The following SRSF7 variants were observed in gnomAD, a reference collection of about 807,000 sequenced individuals.
SRSF7 encodes the protein serine and arginine rich splicing factor 7.
A neutral mutation model predicts 42.2 loss-of-function variants in SRSF7; 15 were observed. The observed-to-expected ratio is 0.36, with a 90% CI of 0.24 to 0.55. The LOEUF (loss-of-function observed/expected upper bound fraction) is 0.55, where lower values mean the gene tolerates loss of function less well. SRSF7 is among the 20% of genes least tolerant of loss of function. The pLI is 0.88. For missense variants in SRSF7, 181 were observed against 305.9 expected (o/e 0.59, Z 3.04); for synonymous variants, 138 against 107.9 (o/e 1.28, Z -1.73).
In SRSF7 at chr2:38,743,756, A is replaced by C; in HGVS notation, c.*1377T>G. The stretch of plus-strand genomic sequence containing the variant: ...TTCAGCCAGTCAAAATTCCAAAAAC[A>C]ATCCAAATAACTTCCAACATACTAG... On this transcript the variant is annotated 3_prime_UTR_variant, in exon 8 of 8. Coordinates refer to ENST00000313117, the MANE Select transcript of SRSF7 (RefSeq NM_001031684.3). 2.0e-5 allele frequency: 3 copies of C among 152,666 alleles called. No individual in the cohort carries two copies. Among genetic ancestry groups the C allele is most frequent in the Admixed American group, 6.5e-5 (1 of 15,286 alleles). The allele number at this position is 152,666 out of a possible 1,614,324, so 9.5% of individuals were successfully genotyped here.
chr2:38,748,799 T>C, intron 3 of SRSF7, 146 bp from the exon 4 acceptor site: 2 of 1,190,480 alleles, frequency 1.7e-6, no homozygotes, highest in Non-Finnish European at 2.3e-6. Flanking sequence ...AGTTGTTGAG[T>C]ATTTTTTTTT....
chr2:38,751,301 G>C lies in SRSF7; in HGVS notation c.-45C>G. 2 of 1,613,764 alleles carry C rather than the reference G, an allele frequency of 1.2e-6. No individual in the cohort carries two copies. The highest frequency in any genetic ancestry group is 1.7e-6 in the Non-Finnish European group (2 of 1,179,860). On this transcript the variant is annotated 5_prime_UTR_variant, in exon 1 of 8. Transcript: ENST00000313117. ...CGGCTCTTTAGCAAGCAGCGCCCAG[G>C]GCTCGAGTGACGCAAAAGCTGACAC...
intron 4 of SRSF7, 119 bp from the exon 5 acceptor site, chr2:38,748,276 G>T: frequency 1.3e-6 from 1 of 769,716 alleles, no homozygotes; most frequent in Non-Finnish European, 2.1e-6. Flanking sequence ...CGGGAGGATC[G>T]TTTGAGCCCA....
Position 38,748,133 on chromosome 2 carries a change from T to C in SRSF7, c.486A>G (p.Arg162=). 7 of 1,613,878 alleles carry C rather than the reference T, an allele frequency of 4.3e-6. No individual in the cohort carries two copies. The highest frequency in any genetic ancestry group is 5.9e-6 in the Non-Finnish European group (7 of 1,179,856). ...ATCTACGAAGAGAGATAGATCTTGA[T>C]CGTCGAGGAGATGCTGACCTTGACC... ...GRRSRSASPR[R]SRSISLRRSR... Residue 162 remains arginine, a synonymous_variant, in exon 5 of 8, where the codon CGA becomes CGG. Transcript: ENST00000313117.
chr2:38,751,179 G>A (rs1426480404), intron 1 of SRSF7, 50 bp downstream of exon 1: 5 of 1,612,052 alleles, frequency 3.1e-6, no homozygotes, highest in African/African-American at 1.3e-5. Context: ...CGGCCTCGCA[G>A]TGCTCACTAC....
At chr2:38,746,891 C>G (rs375769286) in intron 5 of SRSF7, 144 bp from the exon 6 acceptor site, 2 of 1,365,916 alleles carry the variant, frequency 1.5e-6, no homozygotes, top group Non-Finnish European at 9.9e-7. Flanking sequence ...GTCTAACACA[C>G]TGTCAAACAA....
At chr2:38,748,442 G>T in intron 4 of SRSF7, 137 bp downstream of exon 4, 1 of 849,236 alleles carries the variant, frequency 1.2e-6, no homozygotes, top group Non-Finnish European at 1.9e-6. Context: ...GCAGTGAGTC[G>T]TGGTTATGCC....
chr2:38,746,253 A>C, intron 6 of SRSF7, 74 bp from the exon 7 acceptor site: 2 of 1,512,374 alleles, frequency 1.3e-6, no homozygotes, highest in Non-Finnish European at 1.8e-6. Context: ...CAATACCGTA[A>C]AACCCCCAAA....
chr2:38,751,439 AC>A, upstream of SRSF7: 1 of 767,826 alleles, frequency 1.3e-6, no homozygotes, highest in Non-Finnish European at 2.1e-6. Context: ...TCTGCGCGGC[AC>A]AAAGGAGCTG....
intron 3 of SRSF7, 142 bp downstream of exon 3, chr2:38,749,387 T>C: frequency 6.5e-7 from 1 of 1,542,284 alleles, no homozygotes; most frequent in Non-Finnish European, 8.7e-7. Context: ...TATAGTAACA[T>C]TTTTTTAATT....
At position 38,751,334 on chromosome 2, in the gene SRSF7, C is replaced by T; in HGVS notation, c.-78G>A. The T allele has an allele frequency of 1.9e-6, 3 of 1,599,454 alleles. No homozygotes were observed. The highest frequency in any genetic ancestry group is 2.2e-5 in the East Asian group (1 of 44,540). On this transcript the variant is annotated 5_prime_UTR_variant, in exon 1 of 8. Transcript: ENST00000313117. ...TGACGCAAAAGCTGACACACACCTTCACCCGCCAAGAGTCCCGGCGGCACT... is the reference window on the plus strand; with the variant it reads ...TGACGCAAAAGCTGACACACACCTTTACCCGCCAAGAGTCCCGGCGGCACT...
intron 4 of SRSF7, 143 bp downstream of exon 4, chr2:38,748,436 T>G (rs1018770946): frequency 2.5e-6 from 2 of 809,772 alleles, no homozygotes; most frequent in Middle Eastern, 2.8e-4. Context: ...AAGGCAGCAG[T>G]GAGTCGTGGT....
upstream of SRSF7, chr2:38,751,428 T>C: frequency 1.2e-6 from 1 of 843,944 alleles, no homozygotes; most frequent in Admixed American, 2.2e-5. Context: ...CATCTCGTTG[T>C]TCTGCGCGGC....
chr2:38,748,453 C>G, intron 4 of SRSF7, 126 bp downstream of exon 4: 1 of 943,008 alleles, frequency 1.1e-6, no homozygotes, highest in South Asian at 1.3e-5. Flanking sequence ...TGGTTATGCC[C>G]CTGTACTCCA....
chr2:38,746,822 T>C, intron 5 of SRSF7, 75 bp from the exon 6 acceptor site: 1 of 1,590,212 alleles, frequency 6.3e-7, no homozygotes, highest in Non-Finnish European at 8.5e-7. Context: ...AACACTGTAT[T>C]AGGTTGGTCA....
rs540073552 is a variant in SRSF7, at chr2:38,745,498, A to T, written c.663-311T>A. On this transcript the variant is annotated intron_variant, in intron 7 of 7. Coordinates refer to ENST00000313117, the MANE Select transcript of SRSF7 (RefSeq NM_001031684.3). ...GTGAAACTCCGTCTCTACTAGAAAT[A>T]CAAAAAATTAGCCAGGCTTGGCGGT... is the stretch of plus-strand genomic sequence containing the variant. Among the ~76,000 whole-genome samples the T allele has an allele frequency of 1.4e-4, 21 of 152,192 alleles. 1 individual carries two copies. In the South Asian group the frequency reaches 4.4e-3, roughly 32 times the overall value.
intron 1 of SRSF7, chr2:38,750,926 G>A (rs1237997957): frequency 5.2e-6 from 2 of 383,652 alleles, no homozygotes; most frequent in Admixed American, 3.7e-5. Flanking sequence ...CCGAGGGCGG[G>A]GGGGGAGGGG....
chr2:38,746,522 T>A (rs959319355), intron 6 of SRSF7, among the ~76,000 whole-genome samples, 172 bp downstream of exon 6: 4 of 152,192 alleles, frequency 2.6e-5, no homozygotes, highest in African/African-American at 9.7e-5. Context: ...CATTCCCTTG[T>A]TCAGGGAAAG....
chr2:38,745,580 G>A (rs1217530969), intron 7 of SRSF7, among the ~76,000 whole-genome samples: 8 of 151,944 alleles, frequency 5.3e-5, no homozygotes, highest in Admixed American at 2.0e-4. Context: ...GCTTGAACCC[G>A]GGAATCGGAG....
Sources: gnomAD v4.1 joint callset for allele counts (sites outside exome capture counted in the v4.1 genomes callset) on GRCh38, gnomAD v4.1.1 for gene constraint, MANE v1.5 for transcripts, NCBI Gene and HGNC (gene_info 2026-07-23, HGNC 2026-07-21) for gene names.